BCHE: variants seen among roughly 807,000 people sequenced by gnomAD.
The protein encoded by BCHE is butyrylcholinesterase.
A neutral mutation model predicts 51.3 loss-of-function variants in BCHE; 48 were observed. That is an observed-to-expected ratio of 0.94 (90% CI 0.74 to 1.19). The LOEUF (loss-of-function observed/expected upper bound fraction) is 1.19. Among genes scored for constraint, BCHE ranks in the 50% most tolerant of loss-of-function variants. The probability of loss-of-function intolerance (pLI) is 0.00; values close to 1 mark genes in which losing one functional copy is unlikely to be tolerated. For missense variants in BCHE, 847 were observed against 708.2 expected (o/e 1.20, Z -2.23); for synonymous variants, 251 against 238.0 (o/e 1.05, Z -0.50).
intron 2 of BCHE, among the ~76,000 whole-genome samples, chr3:165,804,748 T>C (rs1053836197): frequency 3.3e-5 from 5 of 152,176 alleles, no homozygotes; most frequent in Non-Finnish European, 7.3e-5. Context: ...AAGGAATAAA[T>C]TGGCTAGAGA....
chr3:165,836,542 C>T (rs1470291314), intron 1 of BCHE, among the ~76,000 whole-genome samples: 1 of 151,780 alleles, frequency 6.6e-6, no homozygotes, highest in Non-Finnish European at 1.5e-5. Context: ...ATTTTATAAT[C>T]CTTAATATTT....
chr3:165,817,172 T>C (rs1182936772), intron 2 of BCHE, among the ~76,000 whole-genome samples: 1 of 152,020 alleles, frequency 6.6e-6, no homozygotes, highest in Non-Finnish European at 1.5e-5. Flanking sequence ...ATTTATTCTC[T>C]TATATTCCAC....
In BCHE at chr3:165,810,263, A is replaced by G. The variant is rs577814557; in HGVS notation, c.1517+19254T>C. ...AGGATATTCTTCTGTTCAAGTTGTG[A>G]TATTCTAGCAGCAGATTCTAGTTCA... On this transcript the variant is annotated intron_variant, in intron 2 of 3. Transcript: ENST00000264381. Among the ~76,000 whole-genome samples, 142 of 152,292 alleles carry G rather than the reference A, an allele frequency of 9.3e-4. 1 individual carries two copies. Among genetic ancestry groups the G allele is most frequent in the African/African-American group, 3.3e-3 (136 of 41,564 alleles).
At chr3:165,786,373 T>C in intron 2 of BCHE, 62 bp from the exon 3 acceptor site, 2 of 1,442,312 alleles carry the variant, frequency 1.4e-6, no homozygotes, top group Non-Finnish European at 1.9e-6. Context: ...AAAAAGAATA[T>C]TGTTTTCTAA....
intron 3 of BCHE, among the ~76,000 whole-genome samples, chr3:165,775,530 GA>G (rs1002884745): frequency 6.6e-6 from 1 of 151,396 alleles, no homozygotes; most frequent in Admixed American, 6.6e-5. Context: ...CTAAATTCCA[GA>G]AAAAATTTTT....
At chr3:165,822,717 A>G (rs528229544) in intron 2 of BCHE, among the ~76,000 whole-genome samples, 1 of 152,198 alleles carries the variant, frequency 6.6e-6, no homozygotes, top group South Asian at 2.1e-4. Context: ...GATCATCTGC[A>G]AGAGTAGAAA....
chr3:165,780,169 C>T (rs1712636878), intron 3 of BCHE, among the ~76,000 whole-genome samples: 1 of 152,140 alleles, frequency 6.6e-6, no homozygotes, highest in African/African-American at 2.4e-5. Context: ...AAAAGATTCC[C>T]TATCTAATAA....
chr3:165,791,301 C>T (rs995766044), intron 2 of BCHE, among the ~76,000 whole-genome samples: 7 of 148,604 alleles, frequency 4.7e-5, no homozygotes, highest in East Asian at 2.0e-4. Flanking sequence ...TCTTGGGGGG[C>T]GGGCGGGAAG....
intron 2 of BCHE, among the ~76,000 whole-genome samples, chr3:165,787,687 T>C (rs1228693364): frequency 1.3e-5 from 2 of 151,952 alleles, no homozygotes; most frequent in Non-Finnish European, 2.9e-5. Flanking sequence ...CTAGTTTTGT[T>C]GAATTCTAGG....
intron 3 of BCHE, among the ~76,000 whole-genome samples, chr3:165,781,710 A>T (rs1451641797): frequency 6.6e-6 from 1 of 152,098 alleles, no homozygotes; most frequent in Admixed American, 6.6e-5. Flanking sequence ...ATACCTATGT[A>T]ACAAACCTGC....
chr3:165,797,124 C>T (rs77438458), intron 2 of BCHE, among the ~76,000 whole-genome samples: 11,225 of 145,848 alleles, frequency 0.077, 479 homozygotes, highest in African/African-American at 0.1. Context: ...TCCTTCTTTC[C>T]CTCCCTTCCT....
At chr3:165,802,980 A>T (rs972569643) in intron 2 of BCHE, among the ~76,000 whole-genome samples, 6 of 151,964 alleles carry the variant, frequency 3.9e-5, no homozygotes, top group Non-Finnish European at 8.8e-5. Context: ...TGACCTCGTG[A>T]TCCACCCGCC....
chr3:165,826,513 T>TC (rs1560021235), intron 2 of BCHE, among the ~76,000 whole-genome samples: 1 of 151,278 alleles, frequency 6.6e-6, no homozygotes, highest in African/African-American at 2.4e-5. Context: ...TGCAAAGAGG[T>TC]GGGGGGGGAC....
intron 2 of BCHE, among the ~76,000 whole-genome samples, chr3:165,798,793 T>C (rs1185561928): frequency 3.3e-5 from 5 of 149,706 alleles, no homozygotes; most frequent in African/African-American, 7.4e-5. Flanking sequence ...TTTCTAGATA[T>C]GCCTGGGCAA....
intron 2 of BCHE, among the ~76,000 whole-genome samples, chr3:165,794,895 A>G (rs576613199): frequency 6.3e-4 from 96 of 152,266 alleles, no homozygotes; most frequent in Middle Eastern, 3.4e-3. Context: ...AAATACTGTA[A>G]CAATGCCAAA....
At chr3:165,824,825 A>T (rs897681633) in intron 2 of BCHE, among the ~76,000 whole-genome samples, 1 of 151,972 alleles carries the variant, frequency 6.6e-6, no homozygotes, top group Non-Finnish European at 1.5e-5. Context: ...TTAAATATTT[A>T]TATAAATTAA....
chr3:165,795,367 A>G (rs1015894682), intron 2 of BCHE, among the ~76,000 whole-genome samples: 1 of 152,120 alleles, frequency 6.6e-6, no homozygotes, highest in South Asian at 2.1e-4. Flanking sequence ...GACTTACTAT[A>G]GTTTGTTAGG....
chr3:165,831,355 A>T (rs987046039), intron 1 of BCHE, among the ~76,000 whole-genome samples: 1 of 152,134 alleles, frequency 6.6e-6, no homozygotes, highest in East Asian at 1.9e-4. Context: ...GTTACTTCTG[A>T]CTATATGTAC....
At chr3:165,787,824 C>G (rs538947339) in intron 2 of BCHE, among the ~76,000 whole-genome samples, 1 of 151,870 alleles carries the variant, frequency 6.6e-6, no homozygotes, top group Non-Finnish European at 1.5e-5. Context: ...GAACTTTTGA[C>G]TAAATGGCTA....
Sources: allele counts gnomAD v4.1 joint callset (sites outside exome capture counted in the v4.1 genomes callset), GRCh38; gene constraint gnomAD v4.1.1; transcripts MANE v1.5; gene names NCBI Gene and HGNC (gene_info 2026-07-23, HGNC 2026-07-21).